The following HOOK2 variants were observed in gnomAD, a reference collection of about 807,000 sequenced individuals.
HOOK2 encodes the protein hook microtubule tethering protein 2, also known as protein Hook homolog 2.
HOOK2 carries 108 observed loss-of-function variants against 111.9 expected under a neutral mutation model. That is an observed-to-expected ratio of 0.96 (90% CI 0.83 to 1.13). HOOK2 has a LOEUF of 1.13. HOOK2 is among the 50% of genes most tolerant of loss of function. HOOK2 has a pLI of 0.00. For missense variants in HOOK2, 978 were observed against 951.3 expected, an observed-to-expected ratio of 1.03 and a Z score of -0.37; for synonymous variants, 405 against 394.3, an observed-to-expected ratio of 1.03 and a Z score of -0.32.
At chr19:12,770,828 T>G in intron 10 of HOOK2, 104 bp downstream of exon 10, 1 of 1,418,518 alleles carries the variant, frequency 7.0e-7, no homozygotes, top group Non-Finnish European at 9.6e-7. Context: ...GGGGGTTCAC[T>G]GGGCACATGA....
At position 12,791,725 on chromosome 19, in the gene HOOK2, C is replaced by G. The variant is rs1021189853; in HGVS notation, n.42-17500G>C. ...GCTCGCCGCTCGCTGCAGCGAGGCC[C>G]GGAGCGGCCCCGCAGGGACCCTCCC... On this transcript the variant is annotated intron_variant and non_coding_transcript_variant, in intron 3 of 3. Coordinates refer to the HOOK2 transcript ENST00000589765. The surrounding 1 kb of genome is among the most constrained non-coding windows in gnomAD (Gnocchi z 7.0). 7.1e-7 allele frequency: 1 copy of G among 1,406,598 alleles called. No individual in the cohort carries two copies. Among genetic ancestry groups the G allele is most frequent in the Non-Finnish European group, 9.7e-7 (1 of 1,034,248 alleles). The allele number at this position is 1,406,598 out of a possible 1,614,324, so 87.1% of individuals were successfully genotyped here.
intron 11 of HOOK2, among the ~76,000 whole-genome samples, 154 bp from the exon 12 acceptor site, chr19:12,768,277 T>A (rs1308433089): frequency 6.6e-6 from 1 of 152,212 alleles, no homozygotes; most frequent in East Asian, 1.9e-4. Context: ...TTGTTTTTTT[T>A]AGAGACAGGG....
At chr19:12,774,420 T>C in intron 3 of HOOK2, 2 of 580,302 alleles carry the variant, frequency 3.4e-6, no homozygotes, top group Non-Finnish European at 6.2e-6. Flanking sequence ...AGTTAATTTT[T>C]ATGGTTGTGT....
At position 12,791,999 on chromosome 19, in the gene HOOK2, C is replaced by T. The variant is rs1968723380; in HGVS notation, n.42-17774G>A. On this transcript the variant is annotated intron_variant and non_coding_transcript_variant, in intron 3 of 3. Transcript: ENST00000589765. This position sits in a 1 kb window ranked among gnomAD's most constrained non-coding sequence, Gnocchi z 7.0. ...ACTTTTCTGGTCAGGGCTCGGACACCGGCGCGTCTCTCAAGCTCGCCTCTT... is the reference window on the plus strand; with the variant it reads ...ACTTTTCTGGTCAGGGCTCGGACACTGGCGCGTCTCTCAAGCTCGCCTCTT... 4 of 1,611,506 alleles carry T rather than the reference C, an allele frequency of 2.5e-6. No individual in the cohort carries two copies. The highest frequency in any genetic ancestry group is 2.7e-5 in the African/African-American group (2 of 74,890).
At chr19:12,770,624 C>G (rs1968293483) in intron 10 of HOOK2, among the ~76,000 whole-genome samples, 1 of 141,686 alleles carries the variant, frequency 7.1e-6, no homozygotes, top group East Asian at 2.1e-4. Context: ...GCAGTGGGAT[C>G]TGCAGAGCAT....
At chr19:12,775,086 GC>G in intron 1 of HOOK2, 189 bp from the exon 2 acceptor site, 1 of 780,006 alleles carries the variant, frequency 1.3e-6, no homozygotes, top group Non-Finnish European at 1.6e-6. Context: ...CCTCACCTCT[GC>G]CCAACAAACC....
chr19:12,763,729 G>A lies in HOOK2; in HGVS notation c.1877C>T (p.Pro626Leu), dbSNP rs867347097. Residue 626 changes from proline to leucine, a missense_variant, in exon 21 of 23, where the codon CCA becomes CTA. Pro to Leu is a moderately conservative substitution (Grantham distance 98). Around this residue, in one of 5 missense-constraint regions of HOOK2, gnomAD observed 277 missense variants for 265.8 expected, o/e 1.04. Coordinates refer to ENST00000397668, the MANE Select transcript of HOOK2 (RefSeq NM_013312.3). Reference sequence around the variant, plus strand: ...CTGTGTCCTCAGGGAATGGAGTTCTGGAGGTGCCCCCGCAGCTGGCCGCTG... The same window carrying A: ...CTGTGTCCTCAGGGAATGGAGTTCTAGAGGTGCCCCCGCAGCTGGCCGCTG... ...PKQRPAAGAP[P>L]ELHSLRTQLR... 1 of 1,614,204 alleles carries A rather than the reference G, an allele frequency of 6.2e-7. No individual in the cohort carries two copies. The highest frequency in any genetic ancestry group is 1.3e-5 in the African/African-American group (1 of 75,064).
At chr19:12,767,516 C>T in intron 13 of HOOK2, 52 bp from the exon 14 acceptor site, 2 of 1,441,020 alleles carry the variant, frequency 1.4e-6, no homozygotes, top group Non-Finnish European at 2.0e-6. Context: ...CTGTCCCCGC[C>T]CCTAGGGTCT....
rs758082025 is a variant in HOOK2, at chr19:12,791,744, C to T, written n.42-17519G>A. 1.6e-5 allele frequency: 25 copies of T among 1,547,528 alleles called. No homozygotes were observed. Among genetic ancestry groups the T allele is most frequent in the Non-Finnish European group, 2.2e-5 (25 of 1,138,588 alleles). ...GAGGCCCGGAGCGGCCCCGCAGGGA[C>T]CCTCCCCAGACCGCCTGGGCCGCCC... On this transcript the variant is annotated intron_variant and non_coding_transcript_variant, in intron 3 of 3. Transcript: ENST00000589765. This position sits in a 1 kb window ranked among gnomAD's most constrained non-coding sequence, Gnocchi z 7.0.
At chr19:12,774,298 G>C (rs1968428264) in intron 3 of HOOK2, 1 of 300,418 alleles carries the variant, frequency 3.3e-6, no homozygotes, top group African/African-American at 2.1e-5. Flanking sequence ...TAGAGATGGG[G>C]TTTCAACTTG....
upstream of HOOK2, chr19:12,775,677 C>G: frequency 2.5e-6 from 1 of 407,454 alleles, no homozygotes; most frequent in Admixed American, 4.8e-5. Context: ...ATCTTGGATC[C>G]GGGCACCGTT....
At chr19:12,772,346 C>G (rs1489982977) in intron 6 of HOOK2, 94 bp from the exon 7 acceptor site, 19 of 1,383,650 alleles carry the variant, frequency 1.4e-5, no homozygotes, top group Middle Eastern at 3.5e-4. Context: ...TCCATCCTCC[C>G]GTCAAGGCCA....
At position 12,791,927 on chromosome 19, in the gene HOOK2, G is replaced by T. The variant is rs555132198; in HGVS notation, n.42-17702C>A. The T allele has an allele frequency of 6.2e-7, 1 of 1,612,810 alleles. No individual in the cohort carries two copies. Among genetic ancestry groups the T allele is most frequent in the East Asian group, 2.2e-5 (1 of 44,872 alleles). On this transcript the variant is annotated intron_variant and non_coding_transcript_variant, in intron 3 of 3. Transcript: ENST00000589765. The surrounding 1 kb of genome is among the most constrained non-coding windows in gnomAD (Gnocchi z 7.0). ...CCGACCCCTACCGGAGTCTCAAAGC[G>T]CCTGGGGCTCGCGGACCCGGCCCAG...
At chr19:12,776,212 G>C (rs1055331475), upstream of HOOK2, among the ~76,000 whole-genome samples, 4 of 151,426 alleles carry the variant, frequency 2.6e-5, no homozygotes, top group Non-Finnish European at 4.4e-5. Context: ...CTTTATAATC[G>C]GAGCCGTTGT....
At chr19:12,765,644 A>T (rs1483692063) in intron 18 of HOOK2, 46 bp downstream of exon 18, 26 of 1,611,028 alleles carry the variant, frequency 1.6e-5, no homozygotes, top group Non-Finnish European at 2.2e-5. Flanking sequence ...CCCCACTAAT[A>T]TCAAATCCAT....
In HOOK2 at chr19:12,786,732, G is replaced by A. The variant is rs909041387; in HGVS notation, n.42-12507C>T. ...GCTGTACCAGCTTGGCTGGGCCCCC[G>A]CCCTCCCTGTCTGGCCCAATCTCCA... On this transcript the variant is annotated intron_variant and non_coding_transcript_variant, in intron 3 of 3. Transcript: ENST00000589765. The surrounding 1 kb of genome is among the most constrained non-coding windows in gnomAD (Gnocchi z 4.3). 1.3e-5 allele frequency among the ~76,000 whole-genome samples: 2 copies of A among 152,132 alleles called. No individual in the cohort carries two copies. The highest frequency in any genetic ancestry group is 2.9e-5 in the Non-Finnish European group (2 of 68,008).
Position 12,765,701 on chromosome 19 carries a change from C to T in HOOK2, c.1629G>A (p.Leu543=), listed in dbSNP as rs1173315625. 1.2e-6 allele frequency: 2 copies of T among 1,614,058 alleles called. No homozygotes were observed. The highest frequency in any genetic ancestry group is 1.3e-5 in the African/African-American group (1 of 74,930). Residue 543 remains leucine, a synonymous_variant, in exon 18 of 23, where the codon CTG becomes CTA. Transcript: ENST00000397668. ...DAISILLKRK[L]EEHLQKLHEA... ...TTTCTGCGACTTACAAATGTTCCTC[C>T]AGCTTCCTTTTCAGCAAAATGGACT...
intron 3 of HOOK2, among the ~76,000 whole-genome samples, chr19:12,788,477 C>A (rs958442937): frequency 6.6e-6 from 1 of 152,162 alleles, no homozygotes; most frequent in Admixed American, 6.5e-5. Context: ...TGACACTAAC[C>A]TTGAACCCAT....
At chr19:12,774,944 GCCGAACCGCTCC>G in intron 1 of HOOK2, 47 bp from the exon 2 acceptor site, 2 of 1,543,560 alleles carry the variant, frequency 1.3e-6, no homozygotes, top group South Asian at 2.3e-5. Context: ...GCCTGGGAGC[GCCGAACCGCTCC>G]CCTTTTGCAG....
Sources: allele counts gnomAD v4.1 joint callset (sites outside exome capture counted in the v4.1 genomes callset), GRCh38; gene constraint gnomAD v4.1.1; regional missense constraint gnomAD v4.1.1; non-coding constraint Gnocchi (gnomAD v3.1); transcripts MANE v1.5; gene names NCBI Gene and HGNC (gene_info 2026-07-23, HGNC 2026-07-21).